The following NELL2 variants were observed in gnomAD, a reference collection of about 807,000 sequenced individuals.
NELL2 encodes the protein protein kinase C-binding protein NELL2.
A neutral mutation model predicts 109.6 loss-of-function variants in NELL2; 41 were observed. The observed-to-expected ratio is 0.37, with a 90% CI of 0.29 to 0.49. The LOEUF (loss-of-function observed/expected upper bound fraction) is 0.49, where lower values mean the gene tolerates loss of function less well. Ranked by LOEUF, NELL2 falls within the 20% of genes least tolerant of loss-of-function variation. The pLI, the probability that NELL2 is intolerant of heterozygous loss-of-function variation, is 0.98. For synonymous variants in NELL2, 355 were observed against 344.7 expected, an observed-to-expected ratio of 1.03 and a Z score of -0.33; for missense variants, 900 against 1,008.3, an observed-to-expected ratio of 0.89 and a Z score of 1.45.
At chr12:44,683,430 G>T (rs1010811778) in intron 12 of NELL2, among the ~76,000 whole-genome samples, 3 of 150,756 alleles carry the variant, frequency 2.0e-5, no homozygotes, top group Non-Finnish European at 4.4e-5. Flanking sequence ...CTGCCTAACT[G>T]CCCTGGCCAG....
chr12:44,803,343 T>C (rs1942895222), intron 3 of NELL2, among the ~76,000 whole-genome samples: 2 of 152,148 alleles, frequency 1.3e-5, no homozygotes, highest in South Asian at 2.1e-4. Context: ...GTCTGTAGAT[T>C]AGATAATATT....
Position 44,777,070 on chromosome 12 carries a change from T to A in NELL2, c.734A>T (p.Gln245Leu). 6.2e-7 allele frequency: 1 copy of A among 1,614,088 alleles called. No homozygotes were observed. Among genetic ancestry groups the A allele is most frequent in the East Asian group, 2.2e-5 (1 of 44,860 alleles). ...HGLVQKIMELQDILAKTSAKL... is the reference protein window; with the variant it reads ...HGLVQKIMELLDILAKTSAKL... ...GGCTGATGTTTTGGCTAAAATATCC[T>A]GTAGCTCCATGATTTTCTGCACAAG... Residue 245 changes from glutamine (Q) to leucine (L), a missense_variant, in exon 7 of 20, where the codon CAG becomes CTG. Physicochemically the swap from Gln to Leu is moderately radical, Grantham distance 113. This residue lies in a region of NELL2 where 75 missense variants were observed against 118.9 expected (regional missense o/e 0.63). Coordinates refer to ENST00000429094, the MANE Select transcript of NELL2 (RefSeq NM_001145108.2).
At chr12:44,723,080 T>C (rs1938870247) in intron 9 of NELL2, among the ~76,000 whole-genome samples, 1 of 151,950 alleles carries the variant, frequency 6.6e-6, no homozygotes, top group African/African-American at 2.4e-5. Context: ...TCCCAGCTAC[T>C]TGGGAGACTG....
intron 9 of NELL2, among the ~76,000 whole-genome samples, chr12:44,746,953 A>G (rs1163690017): frequency 6.6e-6 from 1 of 152,246 alleles, no homozygotes; most frequent in Non-Finnish European, 1.5e-5. Flanking sequence ...TACTGGGTAT[A>G]TACCCAAAGG....
chr12:44,647,851 T>C (rs931693771), intron 13 of NELL2, among the ~76,000 whole-genome samples: 1 of 152,202 alleles, frequency 6.6e-6, no homozygotes, highest in African/African-American at 2.4e-5. Context: ...AAGTGGGGTG[T>C]CAAAATCCAA....
intron 15 of NELL2, among the ~76,000 whole-genome samples, chr12:44,577,668 T>C (rs111402516): frequency 0.064 from 9,652 of 151,614 alleles, 989 homozygotes; most frequent in African/African-American, 0.22. Context: ...TTAGTAGAGA[T>C]GGGGTTTCAC....
chr12:44,811,925 C>A (rs1943192131), intron 3 of NELL2, among the ~76,000 whole-genome samples: 1 of 152,102 alleles, frequency 6.6e-6, no homozygotes, highest in South Asian at 2.1e-4. Flanking sequence ...TGCTTTCTCC[C>A]AGGCAGGCAA....
chr12:44,530,852 T>C (rs1565880546), intron 16 of NELL2, among the ~76,000 whole-genome samples: 1 of 152,192 alleles, frequency 6.6e-6, no homozygotes, highest in Non-Finnish European at 1.5e-5. Flanking sequence ...TGCAGTGTCA[T>C]GAAGACCCTG....
intron 15 of NELL2, among the ~76,000 whole-genome samples, chr12:44,600,719 C>T (rs1214412496): frequency 6.6e-6 from 1 of 152,154 alleles, no homozygotes; most frequent in African/African-American, 2.4e-5. Flanking sequence ...CCTCAGCTTT[C>T]CTATTTGAAC....
At chr12:44,878,796 T>A (rs1428500278), upstream of NELL2, among the ~76,000 whole-genome samples, 3 of 152,164 alleles carry the variant, frequency 2.0e-5, no homozygotes, top group African/African-American at 7.2e-5. Context: ...ACACTCAAAC[T>A]CCTTTTAGAC....
At chr12:44,705,983 G>A (rs1157994504) in intron 11 of NELL2, among the ~76,000 whole-genome samples, 2 of 151,958 alleles carry the variant, frequency 1.3e-5, no homozygotes, top group Non-Finnish European at 2.9e-5. Context: ...TATGTGATAT[G>A]CCACCTCTAT....
intron 3 of NELL2, among the ~76,000 whole-genome samples, chr12:44,788,638 T>G (rs1942268810): frequency 6.6e-6 from 1 of 152,128 alleles, no homozygotes; most frequent in South Asian, 2.1e-4. Context: ...TGTAACAATT[T>G]AAGCTGGGCG....
At chr12:44,804,582 G>GA (rs944668323) in intron 3 of NELL2, among the ~76,000 whole-genome samples, 5 of 151,688 alleles carry the variant, frequency 3.3e-5, no homozygotes, top group Admixed American at 6.6e-5. Flanking sequence ...GTAAACTGTA[G>GA]AAAAAAATTA....
At chr12:44,839,842 T>C (rs902148075) in intron 2 of NELL2, among the ~76,000 whole-genome samples, 53 of 152,344 alleles carry the variant, frequency 3.5e-4, no homozygotes, top group African/African-American at 1.3e-3. Context: ...TTTCTATCAG[T>C]TGGGCTTAGT....
intron 15 of NELL2, among the ~76,000 whole-genome samples, chr12:44,567,322 C>T (rs1463929452): frequency 1.3e-5 from 2 of 152,250 alleles, no homozygotes; most frequent in East Asian, 3.9e-4. Flanking sequence ...AGATGCAATG[C>T]TAATGGAATT....
chr12:44,909,372 C>G (rs1945754384), intron 1 of NELL2, among the ~76,000 whole-genome samples: 1 of 150,146 alleles, frequency 6.7e-6, no homozygotes, highest in South Asian at 2.1e-4. Context: ...ATAGATCTAC[C>G]CAAAGAGGAG....
chr12:44,898,943 G>A (rs776290155), intron 1 of NELL2, among the ~76,000 whole-genome samples: 2 of 152,098 alleles, frequency 1.3e-5, no homozygotes, highest in Non-Finnish European at 2.9e-5. Flanking sequence ...AACACAGCAT[G>A]AGAACTTTGT....
chr12:44,562,425 AG>A (rs1943500733), intron 15 of NELL2, among the ~76,000 whole-genome samples: 1 of 152,238 alleles, frequency 6.6e-6, no homozygotes, highest in Admixed American at 6.5e-5. Flanking sequence ...CATCTGACAA[AG>A]GGCTAATATC....
At chr12:44,780,240 T>C (rs1389733884) in intron 3 of NELL2, among the ~76,000 whole-genome samples, 1 of 152,090 alleles carries the variant, frequency 6.6e-6, no homozygotes, top group Non-Finnish European at 1.5e-5. Context: ...TCAATGGGTT[T>C]CCATTTTGTG....
Sources: allele counts gnomAD v4.1 joint callset (sites outside exome capture counted in the v4.1 genomes callset), GRCh38; gene constraint gnomAD v4.1.1; regional missense constraint gnomAD v4.1.1; transcripts MANE v1.5; gene names NCBI Gene and HGNC (gene_info 2026-07-23, HGNC 2026-07-21).